Variants in BCAS3 observed in about 807,000 individuals in gnomAD.
BCAS3 encodes BCAS4/BCAS3 fusion.
Under a neutral mutation model 116.1 loss-of-function variants are expected in BCAS3, and 53 were observed. The observed-to-expected ratio is 0.46, with a 90% CI of 0.37 to 0.57. The LOEUF (loss-of-function observed/expected upper bound fraction) is 0.57. Ranked by LOEUF, BCAS3 falls within the 20% of genes least tolerant of loss-of-function variation. BCAS3 has a pLI of 0.00. For missense variants in BCAS3, 917 were observed against 1,165.4 expected (o/e 0.79, Z 3.10); for synonymous variants, 391 against 408.2 (o/e 0.96, Z 0.51).
chr17:60,802,495 G>A (rs1374961552), intron 6 of BCAS3, among the ~76,000 whole-genome samples: 1 of 151,270 alleles, frequency 6.6e-6, no homozygotes, highest in Non-Finnish European at 1.5e-5. Context: ...TTACATAATG[G>A]AAATGATTAA....
chr17:61,293,454 GA>G (rs2052623087), intron 22 of BCAS3, among the ~76,000 whole-genome samples: 1 of 151,122 alleles, frequency 6.6e-6, no homozygotes, highest in Non-Finnish European at 1.5e-5. Context: ...TTGAGATGGT[GA>G]AAAAAAAAGT....
At chr17:61,183,876 T>C (rs1340092975) in intron 22 of BCAS3, among the ~76,000 whole-genome samples, 3 of 152,256 alleles carry the variant, frequency 2.0e-5, no homozygotes, top group Non-Finnish European at 4.4e-5. Context: ...CCTTCTCAGC[T>C]AGTGCTGGCT....
intron 18 of BCAS3, among the ~76,000 whole-genome samples, chr17:61,040,365 C>T (rs1229793984): frequency 6.6e-6 from 1 of 152,178 alleles, no homozygotes; most frequent in Admixed American, 6.5e-5. Flanking sequence ...TATAATAAGT[C>T]ATCCATTTAC....
chr17:60,831,762 C>A (rs1185150020), intron 7 of BCAS3, among the ~76,000 whole-genome samples: 3 of 150,618 alleles, frequency 2.0e-5, no homozygotes, highest in Non-Finnish European at 4.4e-5. Context: ...AAATGACAAG[C>A]CCTCAAATAT....
At chr17:61,212,014 C>A (rs1424678071) in intron 22 of BCAS3, among the ~76,000 whole-genome samples, 1 of 152,176 alleles carries the variant, frequency 6.6e-6, no homozygotes, top group East Asian at 1.9e-4. Flanking sequence ...TGCAAATAAT[C>A]TTTTCTGTAA....
rs1174185103 is a variant in BCAS3, at chr17:60,885,862, C to G, written c.662-3833C>G. ...TTTGAGGGTAACCCGACCTTTCTCT[C>G]TGGCTGCCCTTAACATTTTTTCCTT... On this transcript the variant is annotated intron_variant, in intron 9 of 23. Transcript: ENST00000407086. 1.2e-4 allele frequency among the ~76,000 whole-genome samples: 17 copies of G among 146,558 alleles called. No homozygotes were observed. The South Asian group carries it at 3.6e-3, about 31-fold the overall frequency.
chr17:60,858,399 A>G (rs1354756032), intron 7 of BCAS3, among the ~76,000 whole-genome samples: 1 of 151,010 alleles, frequency 6.6e-6, no homozygotes, highest in African/African-American at 2.4e-5. Flanking sequence ...TTTTTTTTTA[A>G]CTTTTCATAG....
intron 22 of BCAS3, among the ~76,000 whole-genome samples, chr17:61,225,401 A>G (rs555120868): frequency 6.6e-6 from 1 of 152,316 alleles, no homozygotes; most frequent in Admixed American, 6.5e-5. Context: ...GTCAAAGGTC[A>G]TGAACTTGTA....
chr17:61,392,200 C>A lies in BCAS3; in HGVS notation c.*75C>A. 6.7e-7 allele frequency: 1 copy of A among 1,502,384 alleles called. No homozygotes were observed. Among genetic ancestry groups the A allele is most frequent in the Admixed American group, 2.0e-5 (1 of 50,662 alleles). 93.1% of individuals were successfully genotyped at this position (1,502,384 alleles called of 1,614,324 possible). On this transcript the variant is annotated 3_prime_UTR_variant, in exon 24 of 24. Coordinates refer to ENST00000407086, the MANE Select transcript of BCAS3 (RefSeq NM_017679.5). The surrounding 1 kb of genome is among the most constrained non-coding windows in gnomAD (Gnocchi z 6.4). Reference sequence around the variant, plus strand: ...GGGGAGAAGCCCCGCTCTGGTCCTACCCTTCAGTCTCTGCTCTTCCTTCAT... The same window carrying A: ...GGGGAGAAGCCCCGCTCTGGTCCTAACCTTCAGTCTCTGCTCTTCCTTCAT...
chr17:61,102,042 A>G (rs535102975), intron 22 of BCAS3, among the ~76,000 whole-genome samples: 8 of 152,258 alleles, frequency 5.3e-5, no homozygotes, highest in African/African-American at 1.9e-4. Flanking sequence ...TTTAGCATAT[A>G]TGGTCTCAAG....
Position 60,993,824 on chromosome 17 carries a change from C to T in BCAS3, c.1486+3589C>T, listed in dbSNP as rs1361953610. The stretch of plus-strand genomic sequence containing the variant: ...AATAACAGTTGATATAGGGGTATTT[C>T]CTTTTTACTCTTTGGACCCAATCCA... On this transcript the variant is annotated intron_variant, in intron 15 of 23. Coordinates refer to ENST00000407086, the MANE Select transcript of BCAS3 (RefSeq NM_017679.5). The surrounding 1 kb of genome is among the most constrained non-coding windows in gnomAD (Gnocchi z 4.2). Among the ~76,000 whole-genome samples, 1 of 152,020 alleles carries T rather than the reference C, an allele frequency of 6.6e-6. No homozygotes were observed. Among genetic ancestry groups the T allele is most frequent in the Non-Finnish European group, 1.5e-5 (1 of 67,968 alleles).
At chr17:60,741,830 A>G (rs2041577998) in intron 5 of BCAS3, among the ~76,000 whole-genome samples, 1 of 152,250 alleles carries the variant, frequency 6.6e-6, no homozygotes, top group South Asian at 2.1e-4. Context: ...CTGCCCTAAT[A>G]TACAGAAGTA....
At chr17:61,359,466 C>T (rs2058333212) in intron 22 of BCAS3, among the ~76,000 whole-genome samples, 1 of 150,238 alleles carries the variant, frequency 6.7e-6, no homozygotes, top group African/African-American at 2.4e-5. Context: ...AAAAAAAAAG[C>T]TCATTGGTTA....
At chr17:61,341,740 A>G (rs2057170826) in intron 22 of BCAS3, among the ~76,000 whole-genome samples, 1 of 152,198 alleles carries the variant, frequency 6.6e-6, no homozygotes, top group Non-Finnish European at 1.5e-5. Context: ...CCATAAAGTG[A>G]GATTCAGCCC....
chr17:61,089,439 A>G (rs1233270926), intron 22 of BCAS3, among the ~76,000 whole-genome samples: 2 of 141,184 alleles, frequency 1.4e-5, no homozygotes, highest in South Asian at 2.3e-4. Flanking sequence ...CTTTTATCAT[A>G]TAGAGATTTT....
chr17:60,926,240 A>T (rs988333066), intron 13 of BCAS3, among the ~76,000 whole-genome samples: 8 of 152,224 alleles, frequency 5.3e-5, no homozygotes, highest in Admixed American at 2.0e-4. Flanking sequence ...CAGAGCTGGT[A>T]TAGTCATCAT....
At chr17:60,730,963 G>A (rs1282454022) in intron 5 of BCAS3, among the ~76,000 whole-genome samples, 1 of 152,136 alleles carries the variant, frequency 6.6e-6, no homozygotes, top group Non-Finnish European at 1.5e-5. Context: ...GTAGCTAGGT[G>A]AGTTCTTTTT....
Position 61,227,567 on chromosome 17 carries a change from G to A in BCAS3, c.2426-140760G>A, listed in dbSNP as rs1446999427. On this transcript the variant is annotated intron_variant, in intron 22 of 23. Coordinates refer to ENST00000407086, the MANE Select transcript of BCAS3 (RefSeq NM_017679.5). This position sits in a 1 kb window ranked among gnomAD's most constrained non-coding sequence, Gnocchi z 6.1. ...CCAGGTAGACAGTAGAACCAGGCCTGTGTGCTGGGGAGACCTTCTGTGCCC... is the reference window on the plus strand; with the variant it reads ...CCAGGTAGACAGTAGAACCAGGCCTATGTGCTGGGGAGACCTTCTGTGCCC... Among the ~76,000 whole-genome samples the A allele has an allele frequency of 6.6e-6, 1 of 152,226 alleles. No homozygotes were observed. Among genetic ancestry groups the A allele is most frequent in the Non-Finnish European group, 1.5e-5 (1 of 68,042 alleles).
intron 16 of BCAS3, 36 bp downstream of exon 16, chr17:61,015,937 T>C: frequency 3.2e-6 from 5 of 1,581,460 alleles, no homozygotes; most frequent in Non-Finnish European, 4.3e-6. Flanking sequence ...TTAACAGCTG[T>C]TTTATAGGGT....
Sources: gnomAD v4.1 joint callset for allele counts (sites outside exome capture counted in the v4.1 genomes callset) on GRCh38, gnomAD v4.1.1 for gene constraint, Gnocchi (gnomAD v3.1) non-coding constraint, MANE v1.5 for transcripts, NCBI Gene and HGNC (gene_info 2026-07-23, HGNC 2026-07-21) for gene names.